The following GSDMC variants were observed in gnomAD, a reference collection of about 807,000 sequenced individuals.
GSDMC encodes the protein gasdermin-C.
GSDMC carries 59 observed loss-of-function variants against 58.0 expected under a neutral mutation model. The observed-to-expected ratio is 1.02, with a 90% confidence interval of 0.82 to 1.26. The LOEUF (loss-of-function observed/expected upper bound fraction) is 1.26, where lower values mean the gene tolerates loss of function less well. GSDMC is among the 50% of genes most tolerant of loss of function. The pLI is 0.00. For missense variants in GSDMC, 659 were observed against 598.5 expected (o/e 1.10, Z -1.06); for synonymous variants, 241 against 220.2 (o/e 1.09, Z -0.83).
At chr8:129,726,770 C>G in the GSDMC span, among the ~76,000 whole-genome samples, 1 of 137,326 alleles carries the variant, frequency 7.3e-6, no homozygotes, top group Non-Finnish European at 1.6e-5. Flanking sequence ...GTCCCTCCCC[C>G]CACCCACCCC....
intron 5 of GSDMC, 60 bp downstream of exon 5, chr8:129,762,566 A>C: frequency 1.0e-6 from 1 of 976,478 alleles, no homozygotes; most frequent in Non-Finnish European, 1.7e-6. Context: ...CATTTCTCTC[A>C]TAGGAGAAGC....
Position 129,751,871 on chromosome 8 carries a change from G to A in GSDMC, c.907C>T (p.Leu303Phe), listed in dbSNP as rs2033209478. The A allele has an allele frequency of 1.2e-6, 2 of 1,612,568 alleles. No individual in the cohort carries two copies. The highest frequency in any genetic ancestry group is 2.2e-5 in the East Asian group (1 of 44,842). Residue 303 changes from leucine (L) to phenylalanine (F), a missense_variant, in exon 9 of 14, where the codon CTC becomes TTC. Leu to Phe is a conservative substitution (Grantham distance 22). Transcript: ENST00000276708. ...GCAAACTCACACTCACCTACTGGGA[G>A]GATGTGAACTTGTTCGTATTCTAAA... is the stretch of plus-strand genomic sequence containing the variant. The part of the protein sequence containing the change: ...HLPKYEQVHI[L>F]PVGRIEEPFW...
the GSDMC span, among the ~76,000 whole-genome samples, chr8:129,731,607 G>A: frequency 2.6e-5 from 4 of 152,312 alleles, no homozygotes; most frequent in South Asian, 8.3e-4. Context: ...ATCTGTTGGA[G>A]GATTCTCTTT....
chr8:129,775,208 G>A (rs915948092), intron 3 of GSDMC, among the ~76,000 whole-genome samples: 1 of 152,234 alleles, frequency 6.6e-6, no homozygotes, highest in African/African-American at 2.4e-5. Context: ...TGTGGTATGT[G>A]TATACGACGG....
intron 1 of GSDMC, among the ~76,000 whole-genome samples, chr8:129,781,632 T>C (rs141279188): frequency 0.014 from 2,169 of 152,030 alleles, 59 homozygotes; most frequent in African/African-American, 0.049. Flanking sequence ...GTAGTCCCAG[T>C]TACTCAGGAG....
chr8:129,732,417 A>C, the GSDMC span, among the ~76,000 whole-genome samples: 1 of 152,082 alleles, frequency 6.6e-6, no homozygotes, highest in Non-Finnish European at 1.5e-5. Context: ...AAATAATACT[A>C]TTATAGGGAA....
At chr8:129,751,609 C>T (rs926653293) in intron 9 of GSDMC, 41 bp from the exon 10 acceptor site, 10 of 1,598,802 alleles carry the variant, frequency 6.3e-6, no homozygotes, top group African/African-American at 1.3e-5. Flanking sequence ...TCCTCATCCC[C>T]CCAAATTTGC....
chr8:129,760,939 T>C (rs1247073015), intron 5 of GSDMC, among the ~76,000 whole-genome samples: 1 of 152,142 alleles, frequency 6.6e-6, no homozygotes, highest in African/African-American at 2.4e-5. Context: ...TCACATTCTG[T>C]GTAGAGAAAT....
the GSDMC span, chr8:129,730,300 A>G: frequency 1.5e-6 from 2 of 1,369,966 alleles, no homozygotes; most frequent in East Asian, 2.4e-5. Context: ...CCACAGAACC[A>G]GGTCACAGAT....
chr8:129,740,975 A>G, the GSDMC span, among the ~76,000 whole-genome samples: 5 of 152,156 alleles, frequency 3.3e-5, no homozygotes, highest in African/African-American at 4.8e-5. Context: ...TGCCGTTTCA[A>G]GTCTTACGTT....
chr8:129,766,074 T>C (rs537393093), intron 3 of GSDMC, among the ~76,000 whole-genome samples: 3 of 152,232 alleles, frequency 2.0e-5, no homozygotes, highest in East Asian at 3.9e-4. Context: ...GGGTAACTTA[T>C]AGAATTTTAG....
At chr8:129,755,704 G>C (rs923592844) in intron 6 of GSDMC, among the ~76,000 whole-genome samples, 6 of 152,112 alleles carry the variant, frequency 3.9e-5, no homozygotes, top group African/African-American at 1.4e-4. Flanking sequence ...CAAGAAGTTA[G>C]AAAGCGGGAA....
At chr8:129,754,117 C>T (rs572685964) in intron 6 of GSDMC, among the ~76,000 whole-genome samples, 2 of 152,358 alleles carry the variant, frequency 1.3e-5, no homozygotes, top group African/African-American at 4.8e-5. Flanking sequence ...GGCTTTGTCA[C>T]CTGCTGATTG....
intron 1 of GSDMC, among the ~76,000 whole-genome samples, chr8:129,781,476 G>T (rs2034407462): frequency 6.6e-6 from 1 of 152,194 alleles, no homozygotes; most frequent in Non-Finnish European, 1.5e-5. Context: ...GAGACGCGAT[G>T]GCTCACGCCT....
At chr8:129,759,927 T>C (rs768200754) in intron 6 of GSDMC, among the ~76,000 whole-genome samples, 108 of 152,266 alleles carry the variant, frequency 7.1e-4, no homozygotes, top group Non-Finnish European at 7.1e-4. Flanking sequence ...ATTGCAACAC[T>C]GTTCACAATA....
At chr8:129,770,376 G>C (rs980670474) in intron 3 of GSDMC, among the ~76,000 whole-genome samples, 5 of 152,198 alleles carry the variant, frequency 3.3e-5, no homozygotes, top group African/African-American at 1.2e-4. Context: ...CACACCTATA[G>C]TCCCATGTAC....
At chr8:129,736,896 A>T in the GSDMC span, among the ~76,000 whole-genome samples, 1 of 152,202 alleles carries the variant, frequency 6.6e-6, no homozygotes, top group Non-Finnish European at 1.5e-5. Flanking sequence ...AAACCCCATC[A>T]TCTTAGCCCA....
chr8:129,727,023 C>CACA, the GSDMC span, among the ~76,000 whole-genome samples: 2 of 150,210 alleles, frequency 1.3e-5, no homozygotes, highest in Non-Finnish European at 3.0e-5. Flanking sequence ...CACACACACA[C>CACA]ACCTATTCAC....
chr8:129,776,385 AC>A, intron 2 of GSDMC, 100 bp from the exon 3 acceptor site: 1 of 886,490 alleles, frequency 1.1e-6, no homozygotes, highest in Non-Finnish European at 1.7e-6. Flanking sequence ...AATAACAAAG[AC>A]CTATTTTGCC....
Sources: gnomAD v4.1 joint callset for allele counts (sites outside exome capture counted in the v4.1 genomes callset) on GRCh38, gnomAD v4.1.1 for gene constraint, MANE v1.5 for transcripts, NCBI Gene and HGNC (gene_info 2026-07-23, HGNC 2026-07-21) for gene names.